The following FOCAD variants were observed in gnomAD, a reference collection of about 807,000 sequenced individuals.
The protein encoded by FOCAD is KIAA1797.
Under a neutral mutation model 225.6 loss-of-function variants are expected in FOCAD, and 198 were observed. The ratio of observed to expected loss-of-function variants is 0.88; its 90% CI spans 0.78 to 0.99. The LOEUF (loss-of-function observed/expected upper bound fraction) is 0.99. FOCAD is among the 50% of genes least tolerant of loss of function. The pLI is 0.00. For missense variants in FOCAD, 2,713 were observed against 2,123.6 expected (o/e 1.28, Z -5.46); for synonymous variants, 897 against 755.0 (o/e 1.19, Z -3.08).
At chr9:20,740,147 T>C in intron 4 of FOCAD, 89 bp from the exon 5 acceptor site, 1 of 849,736 alleles carries the variant, frequency 1.2e-6, no homozygotes. Context: ...TGGCAAGTAT[T>C]AAAATTATTT....
chr9:20,870,578 C>A (rs545409521), intron 18 of FOCAD, among the ~76,000 whole-genome samples: 1 of 152,310 alleles, frequency 6.6e-6, no homozygotes, highest in Admixed American at 6.5e-5. Flanking sequence ...TTGATCTTTT[C>A]TCAGGCTAGG....
intron 19 of FOCAD, among the ~76,000 whole-genome samples, chr9:20,876,207 T>TCCTCTCTTCTGTTCTTCCCCACTTCCTA: frequency 6.6e-6 from 1 of 152,292 alleles, no homozygotes; most frequent in East Asian, 1.9e-4. Context: ...TGTTCACTCT[T>TCCTCTCTTCTGTTCTTCCCCACTTCCTA]CCTCTCTTCT....
chr9:20,834,978 A>G (rs1229219321), intron 15 of FOCAD, among the ~76,000 whole-genome samples: 4 of 152,138 alleles, frequency 2.6e-5, no homozygotes, highest in African/African-American at 4.8e-5. Context: ...TATTTAAAAT[A>G]ATTTTACCTT....
chr9:20,863,213 A>G (rs1352010083), intron 16 of FOCAD: 2 of 151,906 alleles, frequency 1.3e-5, no homozygotes, highest in Admixed American at 6.6e-5. Context: ...AATGCATGAG[A>G]GGGTAGTGAA....
At chr9:20,742,347 C>G (rs577821225) in intron 5 of FOCAD, among the ~76,000 whole-genome samples, 11 of 152,284 alleles carry the variant, frequency 7.2e-5, no homozygotes, top group Admixed American at 3.9e-4. Context: ...AATGTGCATC[C>G]TAATTACTTG....
At chr9:20,902,032 A>G (rs1385672238) in intron 21 of FOCAD, among the ~76,000 whole-genome samples, 1 of 151,970 alleles carries the variant, frequency 6.6e-6, no homozygotes, top group Non-Finnish European at 1.5e-5. Context: ...TTATGATAGT[A>G]TGATTTTCAC....
chr9:20,799,029 G>T (rs1587212116), intron 11 of FOCAD, among the ~76,000 whole-genome samples: 2 of 152,276 alleles, frequency 1.3e-5, no homozygotes, highest in Admixed American at 1.3e-4. Flanking sequence ...ATGTGTCCCA[G>T]AGATTCTGGT....
Position 20,885,192 on chromosome 9 carries a change from C to T in FOCAD, c.2587C>T (p.Arg863Ter), listed in dbSNP as rs1161907698. The T allele has an allele frequency of 2.6e-6, 4 of 1,538,500 alleles. No individual in the cohort carries two copies. The highest frequency in any genetic ancestry group is 8.8e-7 in the Non-Finnish European group (1 of 1,139,614). The change falls in exon 21 of 44, where the codon CGA becomes TGA. Residue 863 changes from arginine (R) to a stop codon, truncating the protein, a stop_gained. Coordinates refer to ENST00000338382, the MANE Select transcript of FOCAD (RefSeq NM_001375567.1). LOFTEE classifies it high-confidence loss of function. ...GAACAGACTGATGGCCAGCAGAGGG[C>T]GAAGTTTCAAGCAGACTTCACTTGC... Reference protein sequence around the residue: ...PLNRLMASRGRSFKQTSLALV... With the variant: ...PLNRLMASRG
intron 5 of FOCAD, among the ~76,000 whole-genome samples, chr9:20,745,446 C>T (rs1436463961): frequency 2.0e-5 from 3 of 152,252 alleles, no homozygotes; most frequent in East Asian, 1.9e-4. Flanking sequence ...ATCAATATTT[C>T]GCTAGTGTTT....
chr9:20,935,008 A>T (rs755371654), intron 28 of FOCAD, among the ~76,000 whole-genome samples: 6 of 152,226 alleles, frequency 3.9e-5, no homozygotes, highest in Non-Finnish European at 8.8e-5. Context: ...ATGCTCATAG[A>T]TGGGTAGAAT....
At chr9:20,884,701 A>G (rs890218823) in intron 20 of FOCAD, among the ~76,000 whole-genome samples, 1 of 152,146 alleles carries the variant, frequency 6.6e-6, no homozygotes, top group Non-Finnish European at 1.5e-5. Context: ...GCTTTTAGTT[A>G]TAAATATCTC....
intron 2 of FOCAD, among the ~76,000 whole-genome samples, chr9:20,669,846 C>T (rs927312782): frequency 6.6e-6 from 1 of 152,126 alleles, no homozygotes; most frequent in Non-Finnish European, 1.5e-5. Flanking sequence ...AAGAAAGCAA[C>T]AGCAGAGCAT....
Position 20,766,389 on chromosome 9 carries a change from T to C in FOCAD, c.699+1316T>C, listed in dbSNP as rs144281611. On this transcript the variant is annotated intron_variant, in intron 7 of 43. Coordinates refer to ENST00000338382, the MANE Select transcript of FOCAD (RefSeq NM_001375567.1). ...TGGTCTTAGAGACAATATAATCCAT[T>C]TACCACTCAATACAGATGTTTCTTA... Among the ~76,000 whole-genome samples, 566 of 152,342 alleles carry C rather than the reference T, an allele frequency of 3.7e-3. 4 individuals carry two copies. Among genetic ancestry groups the C allele is most frequent in the African/African-American group, 0.013 (542 of 41,566 alleles).
At chr9:20,825,146 CGTGTGTGTGTGTGTGT>C (rs10562859) in intron 15 of FOCAD, among the ~76,000 whole-genome samples, 3 of 138,990 alleles carry the variant, frequency 2.2e-5, no homozygotes, top group Admixed American at 7.1e-5. Flanking sequence ...TCAAGCTTTG[CGTGTGTGTGTGTGTGT>C]GTGTGTGTGT....
chr9:20,691,700 T>G (rs1822990100), intron 1 of FOCAD, among the ~76,000 whole-genome samples: 2 of 151,774 alleles, frequency 1.3e-5, no homozygotes, highest in Non-Finnish European at 2.9e-5. Flanking sequence ...CAGGATGGTC[T>G]CGATTTCCTA....
chr9:20,989,267 G>A (rs1841449655), intron 41 of FOCAD, among the ~76,000 whole-genome samples: 1 of 152,182 alleles, frequency 6.6e-6, no homozygotes, highest in Non-Finnish European at 1.5e-5. Context: ...GGAATTTTAA[G>A]AGATTAGGAA....
At chr9:20,843,196 A>G (rs1458172584) in intron 15 of FOCAD, among the ~76,000 whole-genome samples, 1 of 152,070 alleles carries the variant, frequency 6.6e-6, no homozygotes, top group Non-Finnish European at 1.5e-5. Context: ...TACTATTAAC[A>G]GTGAATTTTG....
chr9:20,657,376 C>T (rs1821524143), upstream of FOCAD, among the ~76,000 whole-genome samples: 1 of 90,902 alleles, frequency 1.1e-5, no homozygotes, highest in Admixed American at 1.2e-4. Flanking sequence ...AGAGTGTTTT[C>T]CAACTTGGTT....
intron 22 of FOCAD, among the ~76,000 whole-genome samples, chr9:20,908,057 T>C (rs1833131887): frequency 6.6e-6 from 1 of 152,132 alleles, no homozygotes; most frequent in Non-Finnish European, 1.5e-5. Flanking sequence ...TCCAATAATA[T>C]TATAAGTTAT....
Sources: gnomAD v4.1 joint callset for allele counts (sites outside exome capture counted in the v4.1 genomes callset) on GRCh38, gnomAD v4.1.1 for gene constraint, MANE v1.5 for transcripts, NCBI Gene and HGNC (gene_info 2026-07-23, HGNC 2026-07-21) for gene names.